Variants in RGS8 observed in about 807,000 individuals in gnomAD.
RGS8 encodes regulator of G-protein signaling 8.
In RGS8, 8 loss-of-function variants were observed where a neutral mutation model predicts 21.7. That is an observed-to-expected ratio of 0.37 (90% CI 0.22 to 0.66). The LOEUF (loss-of-function observed/expected upper bound fraction) is 0.66. RGS8 is among the 30% of genes least tolerant of loss of function. The pLI is 0.59. For missense variants in RGS8, 157 were observed against 217.9 expected (o/e 0.72, Z 1.76); for synonymous variants, 80 against 83.6 (o/e 0.96, Z 0.24).
chr1:182,690,016 G>T, the RGS8 span, among the ~76,000 whole-genome samples: 1 of 152,166 alleles, frequency 6.6e-6, no homozygotes, highest in South Asian at 2.1e-4. Context: ...GCAGAATGTG[G>T]GCTCTAGGGT....
the RGS8 span, among the ~76,000 whole-genome samples, chr1:182,725,436 C>A: frequency 2.6e-5 from 4 of 152,158 alleles, no homozygotes; most frequent in South Asian, 8.3e-4. Flanking sequence ...CTTAGACCAA[C>A]AAGAGCATCT....
the RGS8 span, among the ~76,000 whole-genome samples, chr1:182,748,693 A>G: frequency 4.6e-5 from 7 of 152,188 alleles, no homozygotes; most frequent in African/African-American, 1.7e-4. Context: ...GTTTTTCATA[A>G]GGGCTGCATT....
At chr1:182,680,641 C>CATTCATTT (rs1257060673) in intron 1 of RGS8, among the ~76,000 whole-genome samples, 50 of 152,208 alleles carry the variant, frequency 3.3e-4, no homozygotes, top group African/African-American at 1.0e-3. Flanking sequence ...TTCATTCATT[C>CATTCATTT]ATCTGACTAA....
At chr1:182,662,959 G>A (rs1435344376) in intron 5 of RGS8, among the ~76,000 whole-genome samples, 5 of 152,028 alleles carry the variant, frequency 3.3e-5, no homozygotes. Context: ...ATGGGGAGGG[G>A]GGGAAATAAT....
chr1:182,648,650 G>T (rs375580759), intron 5 of RGS8, among the ~76,000 whole-genome samples: 2 of 152,088 alleles, frequency 1.3e-5, no homozygotes, highest in African/African-American at 4.8e-5. Context: ...CAGGAGAATC[G>T]CTTGAACCCG....
the RGS8 span, among the ~76,000 whole-genome samples, chr1:182,712,468 G>A: frequency 1.3e-5 from 2 of 152,132 alleles, no homozygotes; most frequent in Middle Eastern, 6.3e-3. Flanking sequence ...AGCCTTTATT[G>A]ATATATCCTT....
At chr1:182,686,834 G>C (rs932686069), upstream of RGS8, among the ~76,000 whole-genome samples, 3 of 152,046 alleles carry the variant, frequency 2.0e-5, no homozygotes, top group Non-Finnish European at 4.4e-5. Context: ...GCAGGACTTT[G>C]AGAAGTGACT....
the RGS8 span, among the ~76,000 whole-genome samples, chr1:182,720,099 A>G: frequency 6.6e-6 from 1 of 152,176 alleles, no homozygotes; most frequent in Non-Finnish European, 1.5e-5. Context: ...TAAATATTTT[A>G]TTCATTATTT....
At chr1:182,726,596 A>C in the RGS8 span, among the ~76,000 whole-genome samples, 1 of 151,738 alleles carries the variant, frequency 6.6e-6, no homozygotes, top group South Asian at 2.1e-4. Context: ...CTTGAACCCG[A>C]GAGGCAGAGG....
upstream of RGS8, among the ~76,000 whole-genome samples, chr1:182,676,353 C>G (rs1664357368): frequency 1.3e-5 from 2 of 152,192 alleles, no homozygotes; most frequent in African/African-American, 4.8e-5. Context: ...ATAAAACAGT[C>G]ATTTGGATAT....
At chr1:182,649,659 A>G (rs182545105) in intron 5 of RGS8, among the ~76,000 whole-genome samples, 50 of 152,324 alleles carry the variant, frequency 3.3e-4, no homozygotes, top group African/African-American at 1.2e-3. Flanking sequence ...TAGAAAGGGA[A>G]ATCACATTTA....
In RGS8 at chr1:182,648,191, GAC is replaced by G; in HGVS notation, c.304_305del (p.Val102LeufsTer2). ...CCTCAAAGATCCTATGGGCCTTAGAGACCAGTTTTGCAGTTGACCTGGTCTTC... is the reference window on the plus strand; with the variant it reads ...CCTCAAAGATCCTATGGGCCTTAGAGCAGTTTTGCAGTTGACCTGGTCTTC... On this transcript the variant is annotated frameshift_variant, in exon 6 of 7. Coordinates refer to ENST00000483095, the Ensembl canonical transcript of RGS8. LOFTEE classifies it high-confidence loss of function. 1.2e-6 allele frequency: 2 copies of G among 1,613,718 alleles called. No individual in the cohort carries two copies. The highest frequency in any genetic ancestry group is 1.7e-6 in the Non-Finnish European group (2 of 1,179,828).
chr1:182,679,011 G>A (rs183842667), intron 1 of RGS8, among the ~76,000 whole-genome samples: 4 of 152,148 alleles, frequency 2.6e-5, no homozygotes, highest in Non-Finnish European at 5.9e-5. Flanking sequence ...GCCCTCAGAT[G>A]TGTCTATTTA....
upstream of RGS8, chr1:182,684,602 G>T (rs75814251): frequency 3.6e-3 from 551 of 152,410 alleles, 2 homozygotes; most frequent in Non-Finnish European, 4.7e-3. This position sits in a 1 kb window ranked among gnomAD's most constrained non-coding sequence, Gnocchi z 4.2. Context: ...GGCAGGGGAG[G>T]GGGTGGGGAA....
At chr1:182,683,830 T>G (rs1664620079) in intron 1 of RGS8, among the ~76,000 whole-genome samples, 1 of 152,146 alleles carries the variant, frequency 6.6e-6, no homozygotes. Flanking sequence ...TGACCAACGT[T>G]AGTCACCAGC....
At chr1:182,679,225 C>T (rs1204407525) in intron 1 of RGS8, among the ~76,000 whole-genome samples, 1 of 152,164 alleles carries the variant, frequency 6.6e-6, no homozygotes, top group Non-Finnish European at 1.5e-5. Flanking sequence ...AAAGAGTCTC[C>T]TCTGCTTCCT....
intron 1 of RGS8, among the ~76,000 whole-genome samples, chr1:182,681,020 C>A (rs113565501): frequency 6.6e-6 from 1 of 152,194 alleles, no homozygotes; most frequent in Admixed American, 6.5e-5. Flanking sequence ...AGGCAATGCC[C>A]ACTTCCTGTG....
the RGS8 span, among the ~76,000 whole-genome samples, chr1:182,730,884 TG>T: frequency 6.6e-6 from 1 of 152,130 alleles, no homozygotes; most frequent in South Asian, 2.1e-4. Flanking sequence ...TCCAGAAAAC[TG>T]TATTTTTAAC....
chr1:182,646,740 T>A, exon 7 of RGS8: 1 of 1,611,732 alleles, frequency 6.2e-7, no homozygotes, highest in Non-Finnish European at 8.5e-7. Context: ...GAGGTCTAAC[T>A]GAGCCTCCTC....
Sources: allele counts gnomAD v4.1 joint callset (sites outside exome capture counted in the v4.1 genomes callset), GRCh38; gene constraint gnomAD v4.1.1; non-coding constraint Gnocchi (gnomAD v3.1); transcripts MANE v1.5; gene names NCBI Gene and HGNC (gene_info 2026-07-23, HGNC 2026-07-21).